The following SLC35F2 variants were observed in gnomAD, a reference collection of about 807,000 sequenced individuals.
SLC35F2 encodes the protein queuine/queuosine transporter SLC35F2.
SLC35F2 carries 25 observed loss-of-function variants against 38.1 expected under a neutral mutation model. That is an observed-to-expected ratio of 0.66 (90% CI 0.48 to 0.92). The LOEUF (loss-of-function observed/expected upper bound fraction) is 0.92. SLC35F2 is among the 40% of genes least tolerant of loss of function. The probability of loss-of-function intolerance (pLI) is 0.00; values close to 1 mark genes in which losing one functional copy is unlikely to be tolerated. For synonymous variants in SLC35F2, 173 were observed against 181.7 expected, an observed-to-expected ratio of 0.95 and a Z score of 0.38; for missense variants, 409 against 452.9, an observed-to-expected ratio of 0.90 and a Z score of 0.88.
intron 1 of SLC35F2, among the ~76,000 whole-genome samples, chr11:107,855,746 C>T (rs1453398026): frequency 1.3e-5 from 2 of 150,666 alleles, no homozygotes; most frequent in African/African-American, 2.4e-5. Flanking sequence ...AAAGAAATCT[C>T]ATATTTAGGA....
At chr11:107,854,861 T>C (rs1860252701) in intron 1 of SLC35F2, among the ~76,000 whole-genome samples, 1 of 152,158 alleles carries the variant, frequency 6.6e-6, no homozygotes, top group Non-Finnish European at 1.5e-5. Context: ...TATGTGGTTA[T>C]AAATCTCTCT....
At chr11:107,805,911 A>C (rs1323813477) in intron 4 of SLC35F2, among the ~76,000 whole-genome samples, 2 of 151,964 alleles carry the variant, frequency 1.3e-5, no homozygotes, top group African/African-American at 4.8e-5. Flanking sequence ...CTCCCAAAGT[A>C]CTGGGATTAC....
chr11:107,840,506 C>T (rs535003255), intron 1 of SLC35F2, among the ~76,000 whole-genome samples: 30 of 152,266 alleles, frequency 2.0e-4, no homozygotes, highest in Middle Eastern at 3.4e-3. Context: ...TCCCTCATTG[C>T]GGATTATCAA....
chr11:107,830,994 T>A (rs1859831173), intron 1 of SLC35F2, among the ~76,000 whole-genome samples: 1 of 152,186 alleles, frequency 6.6e-6, no homozygotes, highest in African/African-American at 2.4e-5. Flanking sequence ...GTATTCTACT[T>A]ACTATGTATA....
At chr11:107,818,967 C>A (rs1245649884) in intron 1 of SLC35F2, among the ~76,000 whole-genome samples, 1 of 151,930 alleles carries the variant, frequency 6.6e-6, no homozygotes, top group Non-Finnish European at 1.5e-5. Flanking sequence ...AAAGAGAGAC[C>A]CTGTCTCTAT....
intron 2 of SLC35F2, among the ~76,000 whole-genome samples, chr11:107,814,177 G>C (rs1419067305): frequency 1.3e-5 from 2 of 152,052 alleles, no homozygotes; most frequent in Non-Finnish European, 2.9e-5. Flanking sequence ...TTAAACTAAA[G>C]TTTTAAAAAA....
chr11:107,856,720 TC>T lies in SLC35F2; in HGVS notation c.110+1937del, dbSNP rs1860286626. Among the ~76,000 whole-genome samples, 3 of 143,474 alleles carry T rather than the reference TC, an allele frequency of 2.1e-5. 1 individual carries two copies. The South Asian group carries it at 6.7e-4, about 32-fold the overall frequency. 94.1% of individuals were successfully genotyped at this position (143,474 alleles called of 152,430 possible). On this transcript the variant is annotated intron_variant, in intron 1 of 7. Transcript: ENST00000525815. ...AGGAAGGAAGGTGACAGAATGAGAC[TC>T]CGTCAGGAGGGAGGGAGGGAGGGAG...
At position 107,809,626 on chromosome 11, in the gene SLC35F2, C is replaced by T. The variant is rs145881780; in HGVS notation, c.414+2041G>A. ...CAGCCTGGGTGACAGAGCAAGACTCCTTCTCAGAAAAAAAAAAAGTATTCT... is the reference window on the plus strand; with the variant it reads ...CAGCCTGGGTGACAGAGCAAGACTCTTTCTCAGAAAAAAAAAAAGTATTCT... On this transcript the variant is annotated intron_variant, in intron 3 of 7. Transcript: ENST00000525815. 1,454 of 948,704 alleles carry T rather than the reference C, an allele frequency of 1.5e-3. 21 individuals are homozygous for T. In the African/African-American group the frequency reaches 0.024, roughly 16 times the overall value. 58.8% of individuals were successfully genotyped at this position (948,704 alleles called of 1,614,324 possible).
chr11:107,815,965 C>A lies in SLC35F2; in HGVS notation c.111G>T (p.Trp37Cys). The A allele has an allele frequency of 6.2e-7, 1 of 1,600,406 alleles. No individual in the cohort carries two copies. The highest frequency in any genetic ancestry group is 1.1e-5 in the South Asian group (1 of 90,096). ...LRRIKGKLFT[W>C]NILKTIALGQ... ...CCAGGGCAATTGTTTTCAAAATATTCCTAGAAAATAAGGGAAGAAATCAGA... is the reference window on the plus strand; with the variant it reads ...CCAGGGCAATTGTTTTCAAAATATTACTAGAAAATAAGGGAAGAAATCAGA... The change falls in exon 2 of 8, where the codon TGG (tryptophan) becomes TGT (cysteine). Residue 37 changes from tryptophan (W) to cysteine (C), a missense_variant and splice_region_variant. Transcript: ENST00000525815.
intron 1 of SLC35F2, among the ~76,000 whole-genome samples, chr11:107,827,452 T>A (rs1011797745): frequency 1.3e-5 from 2 of 151,744 alleles, no homozygotes; most frequent in Admixed American, 1.3e-4. Flanking sequence ...CCATCTCTAC[T>A]AAAAATACAA....
chr11:107,855,480 C>T (rs1021916311), intron 1 of SLC35F2, among the ~76,000 whole-genome samples: 7 of 151,990 alleles, frequency 4.6e-5, no homozygotes, highest in African/African-American at 1.4e-4. Context: ...TGGAGAAGCC[C>T]CATCTCTACA....
intron 7 of SLC35F2, among the ~76,000 whole-genome samples, chr11:107,797,514 C>T (rs1164515569): frequency 1.3e-5 from 2 of 151,168 alleles, no homozygotes; most frequent in African/African-American, 4.9e-5. Context: ...ATAGTGAGAC[C>T]CTATCGCTAA....
At chr11:107,804,679 T>TA (rs766126892) in intron 6 of SLC35F2, 39 bp downstream of exon 6, 1 of 1,434,754 alleles carries the variant, frequency 7.0e-7, no homozygotes, top group Non-Finnish European at 9.7e-7. Flanking sequence ...ATTTGTTTGT[T>TA]AAAGAATGCT....
chr11:107,846,148 G>C (rs10890769), intron 1 of SLC35F2, among the ~76,000 whole-genome samples: 1 of 151,302 alleles, frequency 6.6e-6, no homozygotes, highest in Non-Finnish European at 1.5e-5. Flanking sequence ...TGGTTTCTAC[G>C]GTGTTAATAC....
At chr11:107,856,557 C>T (rs928159508) in intron 1 of SLC35F2, among the ~76,000 whole-genome samples, 8 of 152,122 alleles carry the variant, frequency 5.3e-5, no homozygotes, top group African/African-American at 1.7e-4. Flanking sequence ...ATTAGCCTGG[C>T]GTGGTGGTAT....
chr11:107,818,805 T>C (rs1859623840), intron 1 of SLC35F2, among the ~76,000 whole-genome samples: 1 of 152,176 alleles, frequency 6.6e-6, no homozygotes, highest in Admixed American at 6.5e-5. Context: ...CTTGATGTAA[T>C]TTTCTAAGAG....
chr11:107,815,124 A>G (rs1338396858), intron 2 of SLC35F2, among the ~76,000 whole-genome samples: 1 of 152,060 alleles, frequency 6.6e-6, no homozygotes, highest in East Asian at 1.9e-4. Flanking sequence ...CTGACGTTCC[A>G]TTTACCATCT....
chr11:107,792,698 G>C lies in SLC35F2; in HGVS notation c.1042C>G (p.Pro348Ala), dbSNP rs373458085. The change falls in exon 8 of 8, where the codon CCT (proline) becomes GCT (alanine). Residue 348 changes from proline to alanine, a missense_variant. Coordinates refer to ENST00000525815, the MANE Select transcript of SLC35F2 (RefSeq NM_017515.5). ...RTAEPAESSV[P>A]PVTSIGIDNL... ...TCAATCCCAATGCTGGTGACTGGAG[G>C]CACGCTGCTTTCAGCCGGCTCGGCC... The C allele has an allele frequency of 6.2e-7, 1 of 1,613,970 alleles. No individual in the cohort carries two copies. Among genetic ancestry groups the C allele is most frequent in the Non-Finnish European group, 8.5e-7 (1 of 1,179,962 alleles).
chr11:107,849,775 G>C (rs1011322008), intron 1 of SLC35F2, among the ~76,000 whole-genome samples: 1 of 152,022 alleles, frequency 6.6e-6, no homozygotes, highest in Non-Finnish European at 1.5e-5. Context: ...GCAAACAAAA[G>C]AAGGAATAAC....
Sources: allele counts gnomAD v4.1 joint callset (sites outside exome capture counted in the v4.1 genomes callset), GRCh38; gene constraint gnomAD v4.1.1; transcripts MANE v1.5; gene names NCBI Gene and HGNC (gene_info 2026-07-23, HGNC 2026-07-21).